Variants in WDR27 observed in about 807,000 individuals in gnomAD.
The protein encoded by WDR27 is WD repeat-containing protein 27.
Under a neutral mutation model 114.4 loss-of-function variants are expected in WDR27, and 100 were observed. The ratio of observed to expected loss-of-function variants is 0.87; its 90% CI spans 0.74 to 1.03. The LOEUF (loss-of-function observed/expected upper bound fraction) is 1.03. Among genes scored for constraint, WDR27 ranks in the 50% least tolerant of loss-of-function variants. The pLI, the probability that WDR27 is intolerant of heterozygous loss-of-function variation, is 0.00. For missense variants in WDR27, 1,129 were observed against 1,092.9 expected, an observed-to-expected ratio of 1.03 and a Z score of -0.47; for synonymous variants, 449 against 423.1, an observed-to-expected ratio of 1.06 and a Z score of -0.75.
At chr6:169,467,638 G>C (rs192005999) in intron 25 of WDR27, among the ~76,000 whole-genome samples, 35 of 152,336 alleles carry the variant, frequency 2.3e-4, no homozygotes, top group African/African-American at 8.2e-4. Context: ...ACTGCACAAA[G>C]CAGCAAAGCC....
intron 1 of WDR27, among the ~76,000 whole-genome samples, chr6:169,694,785 G>A (rs1785411265): frequency 6.6e-6 from 1 of 152,228 alleles, no homozygotes; most frequent in Non-Finnish European, 1.5e-5. Context: ...CCTATGCAGT[G>A]GCAAAAAGAT....
At chr6:169,428,608 A>AGGGGGGGGGGGGGG in the WDR27 span, among the ~76,000 whole-genome samples, 7 of 114,520 alleles carry the variant, frequency 6.1e-5, no homozygotes, top group East Asian at 3.2e-4. Context: ...GGCGGGGGGG[A>AGGGGGGGGGGGGGG]GGGGGGGGTT....
At chr6:169,538,703 T>TACACACACACACACAC (rs10644528) in intron 25 of WDR27, among the ~76,000 whole-genome samples, 67 of 143,934 alleles carry the variant, frequency 4.7e-4, no homozygotes, top group African/African-American at 1.8e-4. Context: ...CATACTGGAA[T>TACACACACACACACAC]ACACACACAC....
At chr6:169,614,951 A>C (rs1428593555) in intron 21 of WDR27, among the ~76,000 whole-genome samples, 3 of 152,184 alleles carry the variant, frequency 2.0e-5, no homozygotes, top group African/African-American at 7.2e-5. Flanking sequence ...AGAGTAAAAA[A>C]CTGAACAGAA....
At chr6:169,478,900 T>C (rs543599798) in intron 25 of WDR27, among the ~76,000 whole-genome samples, 1 of 152,330 alleles carries the variant, frequency 6.6e-6, no homozygotes, top group East Asian at 1.9e-4. Flanking sequence ...ACCATATATG[T>C]AAATTAATTC....
chr6:169,462,479 GGAGA>G (rs568005305), intron 25 of WDR27, among the ~76,000 whole-genome samples: 205 of 150,440 alleles, frequency 1.4e-3, no homozygotes, highest in Non-Finnish European at 1.5e-3. Context: ...AGGAGAGGGG[GGAGA>G]GAGAGAGAGA....
chr6:169,657,529 G>A (rs1303290703), intron 13 of WDR27, among the ~76,000 whole-genome samples: 2 of 152,208 alleles, frequency 1.3e-5, no homozygotes, highest in Non-Finnish European at 2.9e-5. Context: ...GAAGGTGAAA[G>A]GCGGCTGCGG....
chr6:169,578,174 G>A (rs1265440605), intron 24 of WDR27, among the ~76,000 whole-genome samples: 5 of 152,216 alleles, frequency 3.3e-5, no homozygotes, highest in African/African-American at 1.2e-4. Context: ...AAGCTGTAAG[G>A]CGCTCTCCAA....
the WDR27 span, among the ~76,000 whole-genome samples, chr6:169,441,608 CG>C: frequency 6.6e-6 from 1 of 152,206 alleles, no homozygotes; most frequent in Non-Finnish European, 1.5e-5. Context: ...GCCATTTTTA[CG>C]CAGGAGATGC....
At chr6:169,466,073 T>G (rs1439313549) in intron 25 of WDR27, among the ~76,000 whole-genome samples, 1 of 152,222 alleles carries the variant, frequency 6.6e-6, no homozygotes, top group Non-Finnish European at 1.5e-5. Flanking sequence ...TTTCTATAAC[T>G]TCTTACTATT....
chr6:169,465,889 C>T (rs1484994530), intron 25 of WDR27, among the ~76,000 whole-genome samples: 1 of 152,116 alleles, frequency 6.6e-6, no homozygotes, highest in Admixed American at 6.5e-5. Flanking sequence ...GGAATTATTA[C>T]TTAATGGGCA....
chr6:169,492,649 C>T (rs79527798), intron 25 of WDR27, among the ~76,000 whole-genome samples: 1 of 151,912 alleles, frequency 6.6e-6, no homozygotes, highest in Non-Finnish European at 1.5e-5. Flanking sequence ...GACTTACTTT[C>T]CATACCTCAC....
chr6:169,592,061 C>A (rs1352632506), intron 23 of WDR27, among the ~76,000 whole-genome samples: 1 of 152,002 alleles, frequency 6.6e-6, no homozygotes, highest in Non-Finnish European at 1.5e-5. Flanking sequence ...TACTGGTATT[C>A]GTGCACCAGT....
At chr6:169,632,396 T>C (rs1293058039) in intron 21 of WDR27, among the ~76,000 whole-genome samples, 1 of 152,146 alleles carries the variant, frequency 6.6e-6, no homozygotes, top group South Asian at 2.1e-4. Flanking sequence ...TCCTAAGAAA[T>C]ACAGTTTTGT....
intron 25 of WDR27, among the ~76,000 whole-genome samples, chr6:169,539,945 A>G (rs973796784): frequency 2.0e-5 from 3 of 152,346 alleles, no homozygotes; most frequent in East Asian, 1.9e-4. Context: ...ACCTCCCGAC[A>G]TCAGGCCTAC....
At chr6:169,448,733 G>A in the WDR27 span, among the ~76,000 whole-genome samples, 1 of 152,206 alleles carries the variant, frequency 6.6e-6, no homozygotes, top group African/African-American at 2.4e-5. Flanking sequence ...GACACTGGGA[G>A]AGCCTACAGA....
chr6:169,465,524 C>T (rs1442700405), intron 25 of WDR27, among the ~76,000 whole-genome samples: 1 of 152,072 alleles, frequency 6.6e-6, no homozygotes, highest in Non-Finnish European at 1.5e-5. Context: ...ATCATATTAT[C>T]CAGCAATTTC....
At chr6:169,478,042 C>T (rs1301469894) in intron 25 of WDR27, among the ~76,000 whole-genome samples, 1 of 152,110 alleles carries the variant, frequency 6.6e-6, no homozygotes, top group Non-Finnish European at 1.5e-5. Flanking sequence ...GCACACTGTA[C>T]TTTCCAACTT....
intron 21 of WDR27, among the ~76,000 whole-genome samples, chr6:169,616,264 C>T (rs529685272): frequency 2.6e-4 from 39 of 152,064 alleles, no homozygotes; most frequent in Admixed American, 7.2e-4. Flanking sequence ...CCAAGGCGGG[C>T]GGATCACGAG....
Sources: gnomAD v4.1 joint callset for allele counts (sites outside exome capture counted in the v4.1 genomes callset) on GRCh38, gnomAD v4.1.1 for gene constraint, MANE v1.5 for transcripts, NCBI Gene and HGNC (gene_info 2026-07-23, HGNC 2026-07-21) for gene names.